Variants in CHST9 observed in about 807,000 individuals in gnomAD.
The protein encoded by CHST9 is GalNAc-4-sulfotransferase 2.
In CHST9, 41 loss-of-function variants were observed where a neutral mutation model predicts 44.4. The ratio of observed to expected loss-of-function variants is 0.92; its 90% confidence interval spans 0.72 to 1.20. The LOEUF is 1.20. Among genes scored for constraint, CHST9 ranks in the 50% most tolerant of loss-of-function variants. The probability of loss-of-function intolerance (pLI) is 0.00; values close to 1 mark genes in which losing one functional copy is unlikely to be tolerated. For missense variants in CHST9, 504 were observed against 516.5 expected (o/e 0.98, Z 0.23); for synonymous variants, 171 against 178.4 (o/e 0.96, Z 0.33).
chr18:27,083,748 T>C (rs552180556), intron 2 of CHST9, among the ~76,000 whole-genome samples: 7 of 152,162 alleles, frequency 4.6e-5, no homozygotes, highest in Non-Finnish European at 1.0e-4. Flanking sequence ...AGTCTTCTCA[T>C]GGGCCCCATT....
chr18:26,972,062 G>A (rs1194106310), intron 4 of CHST9, among the ~76,000 whole-genome samples: 1 of 151,898 alleles, frequency 6.6e-6, no homozygotes, highest in African/African-American at 2.4e-5. Context: ...TTTTCATTAA[G>A]ATGGTTACAT....
intron 5 of CHST9, among the ~76,000 whole-genome samples, chr18:26,931,394 C>T (rs2055875516): frequency 6.6e-6 from 1 of 152,204 alleles, no homozygotes; most frequent in Non-Finnish European, 1.5e-5. Flanking sequence ...GGCCTTCCAT[C>T]ATTTTAGGCC....
At chr18:27,007,585 T>C (rs2057031938) in intron 4 of CHST9, among the ~76,000 whole-genome samples, 1 of 151,744 alleles carries the variant, frequency 6.6e-6, no homozygotes, top group Non-Finnish European at 1.5e-5. Flanking sequence ...CCAAGAATAA[T>C]CCAGTGAGTA....
chr18:26,981,064 T>C (rs999404603), intron 4 of CHST9, among the ~76,000 whole-genome samples: 5 of 152,182 alleles, frequency 3.3e-5, no homozygotes, highest in African/African-American at 1.2e-4. Context: ...GCTCCCTTTT[T>C]CTTATATTCA....
intron 4 of CHST9, among the ~76,000 whole-genome samples, chr18:27,012,768 TCA>T (rs1407044414): frequency 2.0e-5 from 3 of 152,222 alleles, no homozygotes; most frequent in Admixed American, 1.3e-4. Flanking sequence ...ATTTCCAAGT[TCA>T]GAGTCCAAAA....
At chr18:26,993,412 C>T (rs1233937889) in intron 4 of CHST9, among the ~76,000 whole-genome samples, 1 of 152,122 alleles carries the variant, frequency 6.6e-6, no homozygotes. Context: ...TATTAGTAAA[C>T]TAATGTTGAT....
At chr18:26,981,534 C>T (rs1292012699) in intron 4 of CHST9, among the ~76,000 whole-genome samples, 1 of 152,136 alleles carries the variant, frequency 6.6e-6, no homozygotes, top group Non-Finnish European at 1.5e-5. Flanking sequence ...ACAGTAAGTT[C>T]GTTGTTCAGG....
intron 4 of CHST9, among the ~76,000 whole-genome samples, chr18:27,000,622 G>GTCTATCTACCTACCTACCTA (rs1555675551): frequency 2.0e-5 from 3 of 147,490 alleles, no homozygotes; most frequent in Admixed American, 2.0e-4. Flanking sequence ...TATTTGTTTT[G>GTCTATCTACCTACCTACCTA]TCTATCTATC....
intron 2 of CHST9, among the ~76,000 whole-genome samples, chr18:27,114,184 T>C (rs953693407): frequency 6.6e-6 from 1 of 152,216 alleles, no homozygotes; most frequent in African/African-American, 2.4e-5. Context: ...CACTAGGTGA[T>C]GTTTTATGTT....
At chr18:27,043,132 G>T (rs1319434468) in intron 3 of CHST9, among the ~76,000 whole-genome samples, 1 of 151,900 alleles carries the variant, frequency 6.6e-6, no homozygotes, top group African/African-American at 2.4e-5. Context: ...CTTTCCTAGG[G>T]TCTCGGTCTC....
At chr18:26,925,718 A>C (rs2055753981) in intron 5 of CHST9, 1 of 152,356 alleles carries the variant, frequency 6.6e-6, no homozygotes, top group Admixed American at 6.5e-5. Flanking sequence ...AAATGAAGAT[A>C]ATAACAACAT....
intron 2 of CHST9, among the ~76,000 whole-genome samples, chr18:27,062,740 T>A (rs901375336): frequency 6.6e-6 from 1 of 152,142 alleles, no homozygotes; most frequent in Non-Finnish European, 1.5e-5. Flanking sequence ...CGCCACACTG[T>A]CTTCCACAAT....
intron 2 of CHST9, among the ~76,000 whole-genome samples, chr18:27,104,025 T>A (rs980667300): frequency 6.6e-6 from 1 of 152,152 alleles, no homozygotes; most frequent in Non-Finnish European, 1.5e-5. Flanking sequence ...TAAATGTGCA[T>A]TAAATATATA....
At chr18:27,042,777 C>T (rs779753103) in intron 3 of CHST9, among the ~76,000 whole-genome samples, 37 of 151,726 alleles carry the variant, frequency 2.4e-4, no homozygotes, top group Non-Finnish European at 4.7e-4. Flanking sequence ...CTCTCTATCT[C>T]TCTCTCTCTC....
intron 2 of CHST9, among the ~76,000 whole-genome samples, chr18:27,109,764 A>T (rs191011485): frequency 1.1e-4 from 17 of 151,708 alleles, no homozygotes; most frequent in African/African-American, 4.1e-4. Context: ...ATTGGTTCCG[A>T]CAACTTTTTT....
Position 26,916,861 on chromosome 18 carries a change from T to C in CHST9, c.730A>G (p.Ile244Val), listed in dbSNP as rs754521164. 9 of 1,613,792 alleles carry C rather than the reference T, an allele frequency of 5.6e-6. No individual in the cohort carries two copies. Among genetic ancestry groups the C allele is most frequent in the Non-Finnish European group, 5.9e-6 (7 of 1,179,860 alleles). ...LNGLASSAYN[I>V]SHNAVHYGKH... ...CCGTAGTGGACAGCATTGTGGGAGATGTTGTATGCAGAGGAAGCCAATCCA... is the reference window on the plus strand; with the variant it reads ...CCGTAGTGGACAGCATTGTGGGAGACGTTGTATGCAGAGGAAGCCAATCCA... The change falls in exon 6 of 6, where the codon ATC becomes GTC. Residue 244 changes from isoleucine to valine, a missense_variant. Physicochemically the swap from Ile to Val is conservative, Grantham distance 29. Coordinates refer to ENST00000618847, the MANE Select transcript of CHST9 (RefSeq NM_031422.6).
intron 2 of CHST9, among the ~76,000 whole-genome samples, chr18:27,134,704 ACATTGCTATGTGCCTTAG>A (rs896024829): frequency 6.6e-6 from 1 of 152,212 alleles, no homozygotes; most frequent in African/African-American, 2.4e-5. Context: ...TCTTATAGGC[ACATTGCTATGTGCCTTAG>A]CATTGCTAAG....
chr18:27,132,371 C>A (rs557086589), intron 2 of CHST9, among the ~76,000 whole-genome samples: 8 of 152,266 alleles, frequency 5.3e-5, no homozygotes, highest in African/African-American at 1.9e-4. Context: ...CTGACCTCAA[C>A]GAAGACATTT....
chr18:26,989,049 GTCT>G (rs1486178553), intron 4 of CHST9, among the ~76,000 whole-genome samples: 2 of 152,050 alleles, frequency 1.3e-5, no homozygotes, highest in East Asian at 3.9e-4. Context: ...AAAAAGAAAA[GTCT>G]CAAGTTAATG....
Sources: gnomAD v4.1 joint callset for allele counts (sites outside exome capture counted in the v4.1 genomes callset) on GRCh38, gnomAD v4.1.1 for gene constraint, MANE v1.5 for transcripts, NCBI Gene and HGNC (gene_info 2026-07-23, HGNC 2026-07-21) for gene names.